PDZRN4: variants seen among roughly 807,000 people sequenced by gnomAD.
PDZRN4 encodes the protein PDZ domain-containing RING finger protein 4.
PDZRN4 carries 70 observed loss-of-function variants against 99.0 expected under a neutral mutation model. The ratio of observed to expected loss-of-function variants is 0.71; its 90% confidence interval spans 0.58 to 0.86. The LOEUF (loss-of-function observed/expected upper bound fraction) is 0.86, where lower values mean the gene tolerates loss of function less well. Among genes scored for constraint, PDZRN4 ranks in the 40% least tolerant of loss-of-function variants. The probability of loss-of-function intolerance (pLI) is 0.00; values close to 1 mark genes in which losing one functional copy is unlikely to be tolerated. For synonymous variants in PDZRN4, 551 were observed against 501.6 expected (o/e 1.10, Z -1.32); for missense variants, 1,474 against 1,331.2 (o/e 1.11, Z -1.67).
intron 3 of PDZRN4, among the ~76,000 whole-genome samples, chr12:41,214,901 G>A (rs763943107): frequency 1.3e-5 from 2 of 152,038 alleles, no homozygotes; most frequent in Non-Finnish European, 2.9e-5. Flanking sequence ...TGTCTGAAAA[G>A]CATTAAATAA....
intron 3 of PDZRN4, among the ~76,000 whole-genome samples, chr12:41,430,647 A>G (rs978393009): frequency 6.6e-6 from 1 of 152,198 alleles, no homozygotes; most frequent in Non-Finnish European, 1.5e-5. Context: ...AAAGCCTTTT[A>G]GAAGTTGTTG....
At chr12:41,222,859 A>G (rs1326636709) in intron 3 of PDZRN4, among the ~76,000 whole-genome samples, 4 of 152,178 alleles carry the variant, frequency 2.6e-5, no homozygotes. Context: ...TAGAACTACT[A>G]TAAGCTGTGT....
intron 3 of PDZRN4, among the ~76,000 whole-genome samples, chr12:41,494,227 T>C (rs888236874): frequency 2.6e-5 from 4 of 152,128 alleles, no homozygotes; most frequent in Non-Finnish European, 5.9e-5. Context: ...ATCATCTCGT[T>C]CAAGTTTTAG....
chr12:41,214,390 C>A (rs1448758869), intron 3 of PDZRN4, among the ~76,000 whole-genome samples: 1 of 125,626 alleles, frequency 8.0e-6, no homozygotes, highest in Admixed American at 1.0e-4. Context: ...GACCACCCCA[C>A]TGCACTCTAG....
intron 3 of PDZRN4, among the ~76,000 whole-genome samples, chr12:41,356,975 T>A (rs1272958154): frequency 6.6e-6 from 1 of 152,000 alleles, no homozygotes; most frequent in Non-Finnish European, 1.5e-5. Flanking sequence ...GGAATCAGGG[T>A]TAGAACTCAT....
chr12:41,470,858 G>A (rs1287676407), intron 3 of PDZRN4, among the ~76,000 whole-genome samples: 1 of 152,118 alleles, frequency 6.6e-6, no homozygotes, highest in African/African-American at 2.4e-5. Context: ...TGGCTCAGGA[G>A]CACCCTCCGC....
intron 3 of PDZRN4, among the ~76,000 whole-genome samples, chr12:41,201,879 C>A (rs1411740886): frequency 6.6e-6 from 1 of 152,106 alleles, no homozygotes. Flanking sequence ...GTCTACAAGG[C>A]AATGTTTCAA....
chr12:41,273,096 A>T (rs977172234), intron 3 of PDZRN4, among the ~76,000 whole-genome samples: 2 of 152,032 alleles, frequency 1.3e-5, no homozygotes, highest in African/African-American at 4.8e-5. Flanking sequence ...TTAAGCAATC[A>T]TGGGTATGGA....
At chr12:41,207,493 T>C (rs114663579) in intron 3 of PDZRN4, among the ~76,000 whole-genome samples, 3,572 of 151,922 alleles carry the variant, frequency 0.024, 95 homozygotes, top group African/African-American at 0.069. Flanking sequence ...TCTTATAATG[T>C]GGGGTCATGA....
chr12:41,464,820 CTTTTTT>C (rs5797739), intron 3 of PDZRN4, among the ~76,000 whole-genome samples: 1 of 104,840 alleles, frequency 9.5e-6, no homozygotes. Context: ...GCCTGTTGTA[CTTTTTT>C]TTTTTTTTTT....
At chr12:41,555,901 C>A (rs776493053) in intron 7 of PDZRN4, 141 bp downstream of exon 7, 9 of 668,694 alleles carry the variant, frequency 1.3e-5, no homozygotes, top group Non-Finnish European at 2.1e-5. Context: ...AAAAAAAGTG[C>A]TGTCATTTAA....
chr12:41,562,308 C>T (rs533493937), intron 7 of PDZRN4, among the ~76,000 whole-genome samples: 2 of 152,214 alleles, frequency 1.3e-5, no homozygotes, highest in African/African-American at 2.4e-5. Flanking sequence ...AATTCATGGG[C>T]TTGTTTTCAG....
chr12:41,502,510 C>T (rs532609372), intron 3 of PDZRN4, among the ~76,000 whole-genome samples: 3 of 152,100 alleles, frequency 2.0e-5, no homozygotes, highest in Non-Finnish European at 4.4e-5. Context: ...TTACCTTGCA[C>T]CCTCTTCCCT....
At chr12:41,456,947 G>T (rs1470848526) in intron 3 of PDZRN4, among the ~76,000 whole-genome samples, 2 of 152,174 alleles carry the variant, frequency 1.3e-5, no homozygotes, top group Non-Finnish European at 2.9e-5. Context: ...CAAACATCAT[G>T]CCTAAGTTTG....
intron 3 of PDZRN4, among the ~76,000 whole-genome samples, chr12:41,472,104 A>G (rs1423008209): frequency 6.6e-6 from 1 of 151,872 alleles, no homozygotes; most frequent in Non-Finnish European, 1.5e-5. Context: ...CCCAGGTTCA[A>G]GCGATTCTCC....
chr12:41,371,836 A>G (rs961404889), intron 3 of PDZRN4, among the ~76,000 whole-genome samples: 4 of 152,134 alleles, frequency 2.6e-5, no homozygotes, highest in African/African-American at 9.7e-5. Flanking sequence ...TGTTTTATGC[A>G]TGATGAATGT....
rs371039102 is a variant in PDZRN4, at chr12:41,209,795, T to C, written c.843+15607T>C. Among the ~76,000 whole-genome samples the C allele has an allele frequency of 2.0e-5, 3 of 148,904 alleles. No homozygotes were observed. The East Asian group carries it at 5.9e-4, about 29-fold the overall frequency. ...AAGTCTTTGCTATTGGGAATAGTGC[T>C]GCAATAAACATACGTGTGCATGTGT... On this transcript the variant is annotated intron_variant, in intron 3 of 9. Transcript: ENST00000402685.
At chr12:41,209,099 G>A (rs1950869765) in intron 3 of PDZRN4, among the ~76,000 whole-genome samples, 2 of 151,828 alleles carry the variant, frequency 1.3e-5, no homozygotes, top group Non-Finnish European at 2.9e-5. Flanking sequence ...GACTTTGTAA[G>A]ATAATTTTTT....
Position 41,188,357 on chromosome 12 carries a change from C to T in PDZRN4, c.-99C>T, listed in dbSNP as rs1054613575. 3.3e-6 allele frequency: 4 copies of T among 1,204,986 alleles called. No homozygotes were observed. The highest frequency in any genetic ancestry group is 5.9e-5 in the Admixed American group (2 of 34,150). The allele number at this position is 1,204,986 out of a possible 1,614,324, so 74.6% of individuals were successfully genotyped here. ...ACCCGCCACCTCCCTCCACTGCCGC[C>T]GCCGCGAGACGGCTGCCCCGGGGGT... On this transcript the variant is annotated 5_prime_UTR_variant, in exon 1 of 10. Transcript: ENST00000402685.
Sources: gnomAD v4.1 joint callset for allele counts (sites outside exome capture counted in the v4.1 genomes callset) on GRCh38, gnomAD v4.1.1 for gene constraint, MANE v1.5 for transcripts, NCBI Gene and HGNC (gene_info 2026-07-23, HGNC 2026-07-21) for gene names.